Variants in PCDHGB7 observed in about 807,000 individuals in gnomAD.
PCDHGB7 encodes protocadherin gamma subfamily B, 7.
Under a neutral mutation model 61.4 loss-of-function variants are expected in PCDHGB7, and 37 were observed. The observed-to-expected ratio is 0.60, with a 90% CI of 0.46 to 0.79. The LOEUF is 0.79. PCDHGB7 is among the 30% of genes least tolerant of loss of function. The pLI is 0.00. For missense variants in PCDHGB7, 1,166 were observed against 1,202.5 expected, an observed-to-expected ratio of 0.97 and a Z score of 0.45; for synonymous variants, 464 against 503.5, an observed-to-expected ratio of 0.92 and a Z score of 1.05.
chr5:141,432,659 G>A lies in PCDHGB7; in HGVS notation c.2415+12385G>A. On this transcript the variant is annotated intron_variant, in intron 1 of 3. Coordinates refer to ENST00000398594, the MANE Select transcript of PCDHGB7 (RefSeq NM_018927.4). This position sits in a 1 kb window ranked among gnomAD's most constrained non-coding sequence, Gnocchi z 6.0. ...GGTGCGCACGGCGCGAGCCCTGCTG[G>A]ACAGAGACGCGCTCAAGCAGAGCCT... 1 of 1,613,884 alleles carries A rather than the reference G, an allele frequency of 6.2e-7. No homozygotes were observed. The highest frequency in any genetic ancestry group is 8.5e-7 in the Non-Finnish European group (1 of 1,179,956).
intron 1 of PCDHGB7, chr5:141,478,768 A>G: frequency 6.7e-7 from 1 of 1,501,046 alleles, no homozygotes; most frequent in African/African-American, 1.4e-5. Context: ...TACTTGACTC[A>G]TCTGTGGACC....
chr5:141,478,127 C>T (rs1323163663), intron 1 of PCDHGB7: 1 of 1,613,988 alleles, frequency 6.2e-7, no homozygotes, highest in Admixed American at 1.7e-5. Flanking sequence ...CGAGGACTCT[C>T]CTGAAGCCCG....
intron 1 of PCDHGB7, among the ~76,000 whole-genome samples, chr5:141,426,098 A>T (rs144349682): frequency 6.6e-6 from 1 of 152,356 alleles, no homozygotes; most frequent in Non-Finnish European, 1.5e-5. Flanking sequence ...TATTCTGTTC[A>T]GTCACAGAAG....
Position 141,490,611 on chromosome 5 carries a change from G to GCTTTA in PCDHGB7, c.2416-4194_2416-4190dup. On this transcript the variant is annotated intron_variant, in intron 1 of 3. Coordinates refer to ENST00000398594, the MANE Select transcript of PCDHGB7 (RefSeq NM_018927.4). The surrounding 1 kb of genome is among the most constrained non-coding windows in gnomAD (Gnocchi z 5.4). The stretch of plus-strand genomic sequence containing the variant: ...ACAATGCACCCCGCTTCAACCAGCA[G>GCTTTA]CTTTACACTGCTTACATCCTAGAAA... 6.2e-7 allele frequency: 1 copy of GCTTTA among 1,614,170 alleles called. No individual in the cohort carries two copies. Among genetic ancestry groups the GCTTTA allele is most frequent in the Non-Finnish European group, 8.5e-7 (1 of 1,180,036 alleles).
rs773899530 is a variant in PCDHGB7 at position 141,494,864 on chromosome 5, G to A, written c.2473G>A (p.Gly825Ser). 1.6e-5 allele frequency: 26 copies of A among 1,613,950 alleles called. No individual in the cohort carries two copies. The Admixed American group carries it at 3.5e-4, about 22-fold the overall frequency. Reference protein sequence around the residue: ...FSQAQRPGTSGSQNGDDTGTW... With the variant: ...FSQAQRPGTSSSQNGDDTGTW... ...TCAGGCCCAGAGACCCGGCACCAGC[G>A]GGTAGGTGACTGATTCTCCAGCCCA... Residue 825 changes from glycine to serine, a missense_variant and splice_region_variant, in exon 2 of 4, where the codon GGC (glycine) becomes AGC (serine). Gly to Ser is a moderately conservative substitution (Grantham distance 56, BLOSUM62 0). Coordinates refer to ENST00000398594, the MANE Select transcript of PCDHGB7 (RefSeq NM_018927.4).
In PCDHGB7 at chr5:141,432,038, C is replaced by T. The variant is rs202246871; in HGVS notation, c.2415+11764C>T. ...CAACATCACAGTGACCGCCACTGAC[C>T]GGGGAACCCCGCCCCTATCCACGGA... On this transcript the variant is annotated intron_variant, in intron 1 of 3. Coordinates refer to ENST00000398594, the MANE Select transcript of PCDHGB7 (RefSeq NM_018927.4). The surrounding 1 kb of genome is among the most constrained non-coding windows in gnomAD (Gnocchi z 6.0). 15 of 1,614,190 alleles carry T rather than the reference C, an allele frequency of 9.3e-6. No individual in the cohort carries two copies. The African/African-American group carries it at 1.5e-4, about 16-fold the overall frequency.
At chr5:141,482,611 G>A (rs1016481108) in intron 1 of PCDHGB7, among the ~76,000 whole-genome samples, 3 of 150,398 alleles carry the variant, frequency 2.0e-5, no homozygotes, top group African/African-American at 7.4e-5. Context: ...ACACCTAAAT[G>A]AGCCTGGAGA....
At position 141,458,567 on chromosome 5, in the gene PCDHGB7, T is replaced by TTTTG. The variant is rs144471304; in HGVS notation, c.2416-36224_2416-36221dup. Among the ~76,000 whole-genome samples the TTTTG allele has an allele frequency of 8.6e-5, 13 of 151,610 alleles. No individual in the cohort carries two copies. The East Asian group carries it at 1.5e-3, about 18-fold the overall frequency. On this transcript the variant is annotated intron_variant, in intron 1 of 3. Coordinates refer to ENST00000398594, the MANE Select transcript of PCDHGB7 (RefSeq NM_018927.4). ...TTGTTTGTTTGTTTTGGTTTTGGGT[T>TTTTG]TTTGTTTGTTTGTTTGTTTTGGAGA...
At position 141,478,208 on chromosome 5, in the gene PCDHGB7, C is replaced by G. The variant is rs200735608; in HGVS notation, c.2416-16599C>G. The G allele has an allele frequency of 2.5e-6, 4 of 1,614,096 alleles. No individual in the cohort carries two copies. The East Asian group carries it at 8.9e-5, about 36-fold the overall frequency. ...TCTCACCTTTTATCTACTTCTTTCTCTAATCCTGGTTTCTGTGGGGTTTGT... is the reference window on the plus strand; with the variant it reads ...TCTCACCTTTTATCTACTTCTTTCTGTAATCCTGGTTTCTGTGGGGTTTGT... On this transcript the variant is annotated intron_variant, in intron 1 of 3. Coordinates refer to ENST00000398594, the MANE Select transcript of PCDHGB7 (RefSeq NM_018927.4).
rs773729429 is a variant in PCDHGB7, at chr5:141,491,406, C to T, written c.2416-3401C>T. ...CGAAGTGCCTTCAGGGAAACGCAGA[C>T]GGGGACGGGGGTGGAGGGCAGTGCT... On this transcript the variant is annotated intron_variant, in intron 1 of 3. Transcript: ENST00000398594. The surrounding 1 kb of genome is among the most constrained non-coding windows in gnomAD (Gnocchi z 6.9). The T allele has an allele frequency of 1.2e-6, 2 of 1,614,096 alleles. No homozygotes were observed. The highest frequency in any genetic ancestry group is 1.7e-6 in the Non-Finnish European group (2 of 1,179,990).
At chr5:141,443,845 A>C (rs923351698) in intron 1 of PCDHGB7, among the ~76,000 whole-genome samples, 19 of 152,224 alleles carry the variant, frequency 1.2e-4, no homozygotes, top group Admixed American at 5.9e-4. Context: ...GGTAATATGG[A>C]AAGTCTGAAA....
rs1413324509 is a variant in PCDHGB7 at position 141,431,464 on chromosome 5, G to T, written c.2415+11190G>T. The T allele has an allele frequency of 6.2e-7, 1 of 1,613,782 alleles. No homozygotes were observed. The highest frequency in any genetic ancestry group is 2.2e-5 in the East Asian group (1 of 44,880). ...GCATCCGCGTGATGGTTCTGGATGC[G>T]AACGACAACGCACCAGCGTTTGCTC... On this transcript the variant is annotated intron_variant, in intron 1 of 3. Transcript: ENST00000398594. This position sits in a 1 kb window ranked among gnomAD's most constrained non-coding sequence, Gnocchi z 4.8.
intron 1 of PCDHGB7, chr5:141,426,414 G>A (rs2096934345): frequency 3.5e-6 from 1 of 287,986 alleles, no homozygotes; most frequent in Admixed American, 4.4e-5. Context: ...AAACGGTCCA[G>A]GGCTCCGTGG....
chr5:141,433,050 G>A, intron 1 of PCDHGB7: 2 of 1,614,142 alleles, frequency 1.2e-6, no homozygotes, highest in Non-Finnish European at 1.7e-6. Context: ...ACGGACTCGC[G>A]GAAGAGTCAC....
rs1461837957 is a variant in PCDHGB7, at chr5:141,432,613, G to C, written c.2415+12339G>C. The C allele has an allele frequency of 6.2e-7, 1 of 1,613,946 alleles. No homozygotes were observed. The highest frequency in any genetic ancestry group is 1.3e-5 in the African/African-American group (1 of 75,056). On this transcript the variant is annotated intron_variant, in intron 1 of 3. Coordinates refer to ENST00000398594, the MANE Select transcript of PCDHGB7 (RefSeq NM_018927.4). The surrounding 1 kb of genome is among the most constrained non-coding windows in gnomAD (Gnocchi z 6.0). ...AGGCCAGCGAGCCGGGACTCTTCTC[G>C]GTGGGTCTGCACACGGGCGAGGTGC...
intron 1 of PCDHGB7, among the ~76,000 whole-genome samples, chr5:141,447,493 T>A (rs538320272): frequency 3.3e-5 from 5 of 152,186 alleles, no homozygotes; most frequent in East Asian, 1.9e-4. Flanking sequence ...AGAAGGAATG[T>A]TTAGGATAAA....
intron 1 of PCDHGB7, among the ~76,000 whole-genome samples, chr5:141,447,752 G>T (rs2154561873): frequency 6.6e-6 from 1 of 152,280 alleles, no homozygotes; most frequent in Admixed American, 6.5e-5. Context: ...TCTTGCATGT[G>T]ACTGTATATA....
chr5:141,477,253 G>A lies in PCDHGB7; in HGVS notation c.2416-17554G>A, dbSNP rs1303718568. The A allele has an allele frequency of 1.9e-6, 3 of 1,614,154 alleles. No individual in the cohort carries two copies. The highest frequency in any genetic ancestry group is 2.2e-5 in the South Asian group (2 of 91,070). Reference sequence around the variant, plus strand: ...TCGCTTTGCTCAGTGTGACTGACCTGGATGCTGGCGAGAACGGGCTGGTGA... The same window carrying A: ...TCGCTTTGCTCAGTGTGACTGACCTAGATGCTGGCGAGAACGGGCTGGTGA... On this transcript the variant is annotated intron_variant, in intron 1 of 3. Transcript: ENST00000398594. This position sits in a 1 kb window ranked among gnomAD's most constrained non-coding sequence, Gnocchi z 4.9.
chr5:141,421,614 T>C (rs552534116), intron 1 of PCDHGB7: 3 of 1,613,810 alleles, frequency 1.9e-6, no homozygotes, highest in South Asian at 2.2e-5. Flanking sequence ...ATATTAATGA[T>C]AACGCCCCCA....
Sources: gnomAD v4.1 joint callset for allele counts (sites outside exome capture counted in the v4.1 genomes callset) on GRCh38, gnomAD v4.1.1 for gene constraint, Gnocchi (gnomAD v3.1) non-coding constraint, MANE v1.5 for transcripts, NCBI Gene and HGNC (gene_info 2026-07-23, HGNC 2026-07-21) for gene names.